SLC4A1: variants seen among roughly 807,000 people sequenced by gnomAD.
SLC4A1 encodes the protein solute carrier family 4 member 1 (Diego blood group), also known as band 3 anion transport protein.
SLC4A1 carries 29 observed loss-of-function variants against 93.1 expected under a neutral mutation model. The ratio of observed to expected loss-of-function variants is 0.31; its 90% CI spans 0.23 to 0.42. The LOEUF (loss-of-function observed/expected upper bound fraction) is 0.42. Ranked by LOEUF, SLC4A1 falls within the 20% of genes least tolerant of loss-of-function variation. The probability of loss-of-function intolerance (pLI) is 1.00; values close to 1 mark genes in which losing one functional copy is unlikely to be tolerated. For missense variants in SLC4A1, 965 were observed against 1,190.1 expected (o/e 0.81, Z 2.78); for synonymous variants, 469 against 497.2 (o/e 0.94, Z 0.76).
Position 44,258,648 on chromosome 17 carries a change from G to A in SLC4A1, c.877-25C>T. The A allele has an allele frequency of 6.4e-7, 1 of 1,561,762 alleles. No individual in the cohort carries two copies. Among genetic ancestry groups the A allele is most frequent in the Non-Finnish European group, 8.7e-7 (1 of 1,153,958 alleles). ...CCTAGGGGCAGGAGACAGGGTCAGA[G>A]CTGCCCGGACCTGCGGAGGGAAAGG... On this transcript the variant is annotated intron_variant, in intron 9 of 19. Transcript: ENST00000262418. The surrounding 1 kb of genome is among the most constrained non-coding windows in gnomAD (Gnocchi z 6.1).
chr17:44,253,665 G>A (rs1446933042), intron 16 of SLC4A1, among the ~76,000 whole-genome samples: 1 of 152,024 alleles, frequency 6.6e-6, no homozygotes, highest in Non-Finnish European at 1.5e-5. Flanking sequence ...TTGTCATTTT[G>A]CATTTTTTTT....
chr17:44,260,823 C>T lies in SLC4A1; in HGVS notation c.169-8G>A, dbSNP rs376589349. 1 of 1,610,366 alleles carries T rather than the reference C, an allele frequency of 6.2e-7. No individual in the cohort carries two copies. The highest frequency in any genetic ancestry group is 1.3e-5 in the African/African-American group (1 of 75,042). On this transcript the variant is annotated splice_region_variant and splice_polypyrimidine_tract_variant and intron_variant, in intron 4 of 19. Transcript: ENST00000262418. ...CTGCAGCTCCACATAGACCTGTGGC[C>T]CCATGCGCCTGAGTTAGTTCATCAG...
At position 44,251,200 on chromosome 17, in the gene SLC4A1, C is replaced by T. The variant is rs747337202; in HGVS notation, c.2614G>A (p.Val872Ile). Residue 872 changes from valine to isoleucine, a missense_variant, in exon 19 of 20, where the codon GTC becomes ATC. By Grantham distance (29) the Val-to-Ile change is conservative. Coordinates refer to ENST00000262418, the MANE Select transcript of SLC4A1 (RefSeq NM_000342.4). ...VLILTVPLRR[V>I]LLPLIFRNVE... ...TTCCTGAAGATGAGCGGCAGCAGGA[C>T]GCGCCGCAGCGGCACAGTGAGGATG... The T allele has an allele frequency of 2.0e-5, 32 of 1,612,690 alleles. 1 individual carries two copies. The highest frequency in any genetic ancestry group is 1.7e-4 in the Middle Eastern group (1 of 6,018).
At chr17:44,259,721 G>T in intron 7 of SLC4A1, 88 bp downstream of exon 7, 2 of 1,596,544 alleles carry the variant, frequency 1.3e-6, no homozygotes, top group Non-Finnish European at 1.7e-6. Flanking sequence ...CCTGCTTGTG[G>T]TCGGTTTTTC....
At chr17:44,259,954 T>A (rs199587636) in intron 6 of SLC4A1, 22 bp from the exon 7 acceptor site, 7 of 1,612,574 alleles carry the variant, frequency 4.3e-6, no homozygotes, top group Non-Finnish European at 5.9e-6. Flanking sequence ...ACAGGGGACA[T>A]GGGCTGAGTA....
intron 6 of SLC4A1, 38 bp from the exon 7 acceptor site, chr17:44,259,970 T>C (rs2047428354): frequency 6.2e-7 from 1 of 1,611,026 alleles, no homozygotes. Flanking sequence ...GAGTAAGCTG[T>C]TCAGGCTGAG....
At position 44,259,954 on chromosome 17, in the gene SLC4A1, T is replaced by G. The variant is rs199587636; in HGVS notation, c.486-22A>C. ...GTGGCTGCAGGACGTACAGGGGACATGGGCTGAGTAAGCTGTTCAGGCTGA... is the reference window on the plus strand; with the variant it reads ...GTGGCTGCAGGACGTACAGGGGACAGGGGCTGAGTAAGCTGTTCAGGCTGA... On this transcript the variant is annotated intron_variant, in intron 6 of 19. Coordinates refer to ENST00000262418, the MANE Select transcript of SLC4A1 (RefSeq NM_000342.4). 2.3e-5 allele frequency: 37 copies of G among 1,612,574 alleles called. No individual in the cohort carries two copies. In the Middle Eastern group the frequency reaches 5.1e-4, roughly 22 times the overall value.
In SLC4A1 at chr17:44,262,693, C is replaced by T. The variant is rs1334113918; in HGVS notation, c.49G>A (p.Glu17Lys). ...DYEDMMEENLEQEEYEDPDIP... is the reference protein window; with the variant it reads ...DYEDMMEENLKQEEYEDPDIP... ...TCTGGGTCTTCATATTCCTCCTGCT[C>T]CAGATTCTCCTCCATCATGTCTTCA... Residue 17 changes from glutamate (E) to lysine (K), a missense_variant, in exon 3 of 20, where the codon GAG becomes AAG. Around this residue, in one of 2 missense-constraint regions of SLC4A1, gnomAD observed 195 missense variants for 183.5 expected, o/e 1.06. Coordinates refer to ENST00000262418, the MANE Select transcript of SLC4A1 (RefSeq NM_000342.4). 2.5e-6 allele frequency: 4 copies of T among 1,614,158 alleles called. No homozygotes were observed. The East Asian group carries it at 6.7e-5, about 27-fold the overall frequency.
At chr17:44,254,242 T>C (rs1319298380) in intron 16 of SLC4A1, among the ~76,000 whole-genome samples, 2 of 152,042 alleles carry the variant, frequency 1.3e-5, no homozygotes, top group East Asian at 3.9e-4. Flanking sequence ...TCTCAAACTG[T>C]TGGGATTACG....
chr17:44,263,699 TC>T (rs762124023), intron 1 of SLC4A1, among the ~76,000 whole-genome samples: 9 of 94,520 alleles, frequency 9.5e-5, no homozygotes, highest in South Asian at 5.2e-4. Context: ...CCTCCTTCCC[TC>T]CCTTCCCTCC....
chr17:44,251,737 T>G (rs1338550587), intron 17 of SLC4A1, 149 bp from the exon 18 acceptor site: 2 of 628,794 alleles, frequency 3.2e-6, no homozygotes. Flanking sequence ...TTTTTTTTTT[T>G]TTGTTTTTTT....
At chr17:44,253,627 C>T (rs530201162) in intron 16 of SLC4A1, among the ~76,000 whole-genome samples, 9 of 152,286 alleles carry the variant, frequency 5.9e-5, no homozygotes, top group African/African-American at 1.9e-4. Context: ...GTACAGGCCC[C>T]TCCAAGATCC....
Position 44,251,071 on chromosome 17 carries a change from C to T in SLC4A1, c.2655+88G>A, listed in dbSNP as rs534088987. 7.8e-4 allele frequency: 1,121 copies of T among 1,428,406 alleles called. 24 individuals carry two copies. In the South Asian group the frequency reaches 0.013, roughly 17 times the overall value. The allele number at this position is 1,428,406 out of a possible 1,614,324, so 88.5% of individuals were successfully genotyped here. ...CACCAGCCCTAGCCCCAGACTTTAC[C>T]CATGACTCTGTCCTGCCTGCCCTAG... On this transcript the variant is annotated intron_variant, in intron 19 of 19. Transcript: ENST00000262418.
In SLC4A1 at chr17:44,257,498, A is replaced by G; in HGVS notation, c.1478T>C (p.Ile493Thr). 6.2e-7 allele frequency: 1 copy of G among 1,614,064 alleles called. No homozygotes were observed. The highest frequency in any genetic ancestry group is 8.5e-7 in the Non-Finnish European group (1 of 1,179,988). ...GLEYIVGRVW[I>T]GFWLILLVVL... ...CACCAGCAGGATGAGCCAGAAGCCGATCCACACGCGGCCCACGATGTACTC... is the reference window on the plus strand; with the variant it reads ...CACCAGCAGGATGAGCCAGAAGCCGGTCCACACGCGGCCCACGATGTACTC... The change falls in exon 13 of 20, where the codon ATC becomes ACC. Residue 493 changes from isoleucine (I) to threonine (T), a missense_variant. Around this residue, in one of 2 missense-constraint regions of SLC4A1, gnomAD observed 770 missense variants for 1,006.6 expected, o/e 0.76. Coordinates refer to ENST00000262418, the MANE Select transcript of SLC4A1 (RefSeq NM_000342.4).
intron 1 of SLC4A1, among the ~76,000 whole-genome samples, chr17:44,266,149 G>A (rs534649294): frequency 6.6e-6 from 1 of 152,032 alleles, no homozygotes; most frequent in Non-Finnish European, 1.5e-5. Context: ...GCGGGGGAGG[G>A]GTCCTGGACC....
intron 13 of SLC4A1, among the ~76,000 whole-genome samples, chr17:44,256,334 T>C (rs759698561): frequency 6.6e-6 from 1 of 152,162 alleles, no homozygotes; most frequent in Non-Finnish European, 1.5e-5. Context: ...TGGGTGTGTG[T>C]GCGAGCACAC....
At chr17:44,253,041 G>C in intron 17 of SLC4A1, 77 bp downstream of exon 17, 1 of 1,526,856 alleles carries the variant, frequency 6.5e-7, no homozygotes, top group Non-Finnish European at 9.0e-7. Flanking sequence ...TGCTGGGTCC[G>C]AACAGAAAGG....
rs771695604 is a variant in SLC4A1, at chr17:44,262,661, G to A, written c.81C>T (p.Pro27=). 10 of 1,613,218 alleles carry A rather than the reference G, an allele frequency of 6.2e-6. No individual in the cohort carries two copies. Among genetic ancestry groups the A allele is most frequent in the Admixed American group, 5.0e-5 (3 of 59,906 alleles). ...EQEEYEDPDI[P]ESQMEEPAAH... is the part of the protein sequence containing the mutation. ...CTGCCGGCTCCTCCATCTGGGACTC[G>A]GGGATGTCTGGGTCTTCATATTCCT... The change falls in exon 3 of 20, where the codon CCC becomes CCT. Residue 27 remains proline, a synonymous_variant. Transcript: ENST00000262418.
chr17:44,257,894 G>T, intron 11 of SLC4A1, 87 bp from the exon 12 acceptor site: 1 of 1,605,474 alleles, frequency 6.2e-7, no homozygotes, highest in Non-Finnish European at 8.5e-7. Flanking sequence ...TGATGCAGGG[G>T]TCTGGAGGGT....
Sources: allele counts gnomAD v4.1 joint callset (sites outside exome capture counted in the v4.1 genomes callset), GRCh38; gene constraint gnomAD v4.1.1; regional missense constraint gnomAD v4.1.1; non-coding constraint Gnocchi (gnomAD v3.1); transcripts MANE v1.5; gene names NCBI Gene and HGNC (gene_info 2026-07-23, HGNC 2026-07-21).